The following SLC25A30 variants were observed in gnomAD, a reference collection of about 807,000 sequenced individuals.
The protein encoded by SLC25A30 is kidney mitochondrial carrier protein 1.
Under a neutral mutation model 42.7 loss-of-function variants are expected in SLC25A30, and 29 were observed. The ratio of observed to expected loss-of-function variants is 0.68; its 90% CI spans 0.51 to 0.93. The LOEUF is 0.93. Ranked by LOEUF, SLC25A30 falls within the 40% of genes least tolerant of loss-of-function variation. The probability of loss-of-function intolerance (pLI) is 0.00; values close to 1 mark genes in which losing one functional copy is unlikely to be tolerated. For synonymous variants in SLC25A30, 124 were observed against 131.0 expected (o/e 0.95, Z 0.37); for missense variants, 300 against 359.7 (o/e 0.83, Z 1.34).
chr13:45,423,921 A>C, the SLC25A30 span, among the ~76,000 whole-genome samples: 2 of 82,488 alleles, frequency 2.4e-5, no homozygotes, highest in Non-Finnish European at 4.3e-5. Context: ...ATAAAAATAT[A>C]TATAAACATA....
Position 45,394,091 on chromosome 13 carries a change from T to G in SLC25A30, c.*1883A>C. The G allele has an allele frequency of 1.0e-6, 1 of 985,384 alleles. No individual in the cohort carries two copies. The highest frequency in any genetic ancestry group is 1.2e-6 in the Non-Finnish European group (1 of 829,922). The allele number at this position is 985,384 out of a possible 1,614,324, so 61.0% of individuals were successfully genotyped here. A position where few individuals can be genotyped will look rare whatever the true frequency, so the allele number is the denominator to read the frequency against. On this transcript the variant is annotated 3_prime_UTR_variant, in exon 10 of 10. Coordinates refer to ENST00000519676, the MANE Select transcript of SLC25A30 (RefSeq NM_001010875.4). ...GTCTTTATAAAATCAATGGAATGTT[T>G]TGGAAAGAAGAAAAAATCCTAAGGT...
At position 45,395,975 on chromosome 13, in the gene SLC25A30, C is replaced by T. The variant is rs771232919; in HGVS notation, c.875G>A (p.Ter292=). The change falls in exon 10 of 10, where the codon TGA becomes TAA. Residue 292 remains the stop codon, a stop_retained_variant. Coordinates refer to ENST00000519676, the MANE Select transcript of SLC25A30 (RefSeq NM_001010875.4). ...TYEQLKKLDL[*] ...GATGTCTCATGCAGCCTTGGCTTGT[C>T]ACAAATCCAATTTCTTCAACTGCTC... is the stretch of plus-strand genomic sequence containing the variant. 1.2e-6 allele frequency: 2 copies of T among 1,614,166 alleles called. No individual in the cohort carries two copies. Among genetic ancestry groups the T allele is most frequent in the East Asian group, 4.5e-5 (2 of 44,882 alleles).
At chr13:45,433,315 G>A in the SLC25A30 span, among the ~76,000 whole-genome samples, 1 of 152,248 alleles carries the variant, frequency 6.6e-6, no homozygotes, top group Admixed American at 6.5e-5. Flanking sequence ...AGTATAAAGG[G>A]TACTAAACAG....
At chr13:45,405,514 G>A (rs1370211314) in intron 4 of SLC25A30, among the ~76,000 whole-genome samples, 1 of 152,150 alleles carries the variant, frequency 6.6e-6, no homozygotes, top group African/African-American at 2.4e-5. Flanking sequence ...CAGAGTATTA[G>A]CATTCAGTGT....
At chr13:45,424,195 A>C in the SLC25A30 span, among the ~76,000 whole-genome samples, 5 of 100,496 alleles carry the variant, frequency 5.0e-5, no homozygotes, top group Admixed American at 1.6e-4. Flanking sequence ...TTATGAATAT[A>C]AATATACATA....
At chr13:45,422,041 T>G (rs963623728), upstream of SLC25A30, among the ~76,000 whole-genome samples, 2 of 152,184 alleles carry the variant, frequency 1.3e-5, no homozygotes, top group African/African-American at 4.8e-5. Context: ...CTTAGGTGGA[T>G]GATGCCAATC....
intron 3 of SLC25A30, 61 bp from the exon 4 acceptor site, chr13:45,406,038 C>A: frequency 6.8e-7 from 1 of 1,475,012 alleles, no homozygotes; most frequent in Non-Finnish European, 9.5e-7. Flanking sequence ...ATCGGCTAGG[C>A]AACCCACATG....
At chr13:45,424,171 A>ATATATATAAATATATC in the SLC25A30 span, among the ~76,000 whole-genome samples, 5 of 99,886 alleles carry the variant, frequency 5.0e-5, no homozygotes, top group South Asian at 3.5e-4. Flanking sequence ...AAATATATCA[A>ATATATATAAATATATC]TATATATAAA....
chr13:45,398,779 A>G, intron 8 of SLC25A30, 161 bp downstream of exon 8: 1 of 568,978 alleles, frequency 1.8e-6, no homozygotes, highest in Non-Finnish European at 2.9e-6. Context: ...TTGTATTTAT[A>G]AAAGCTAAGC....
rs1169054852 is a variant in SLC25A30, at chr13:45,399,059, G to C, written c.634C>G (p.Leu212Val). The C allele has an allele frequency of 6.2e-7, 1 of 1,607,766 alleles. No individual in the cohort carries two copies. Among genetic ancestry groups the C allele is most frequent in the Admixed American group, 1.7e-5 (1 of 58,642 alleles). Reference sequence around the variant, plus strand: ...GGGTTTGAGGCCAGGGCCCCTGCCAGACCACAGGTGAAGCTTGAGCTATAA... The same window carrying C: ...GGGTTTGAGGCCAGGGCCCCTGCCACACCACAGGTGAAGCTTGAGCTATAA... ...THFLSSFTCG[L>V]AGALASNPVD... Residue 212 changes from leucine (L) to valine (V), a missense_variant, in exon 8 of 10, where the codon CTG becomes GTG. Transcript: ENST00000519676.
intron 2 of SLC25A30, among the ~76,000 whole-genome samples, chr13:45,410,838 GT>G (rs1882950888): frequency 6.6e-6 from 1 of 152,170 alleles, no homozygotes; most frequent in South Asian, 2.1e-4. Context: ...AAAAACTTGT[GT>G]TTGGTCAATA....
rs1883240468 is a variant in SLC25A30, at chr13:45,413,801, CCTT to C, written c.-55-2324_-55-2322del. Among the ~76,000 whole-genome samples the C allele has an allele frequency of 1.2e-4, 19 of 152,290 alleles. No homozygotes were observed. In the South Asian group the frequency reaches 3.7e-3, roughly 30 times the overall value. On this transcript the variant is annotated intron_variant, in intron 1 of 9. Transcript: ENST00000519676. Reference sequence around the variant, plus strand: ...CTCCTGACCTCAGGTAATCCACCTGCCTTGGCCTCCCAAAGTGCTGGGATTATA... The same window carrying C: ...CTCCTGACCTCAGGTAATCCACCTGCGGCCTCCCAAAGTGCTGGGATTATA...
Position 45,405,964 on chromosome 13 carries a change from T to C in SLC25A30, c.226A>G (p.Met76Val), listed in dbSNP as rs745340336. The stretch of plus-strand genomic sequence containing the variant: ...GTGCCATAGGATGCCTGGCGTAACA[T>C]CGCGGGGGCAATCCTGTTAAACCAA... Reference protein sequence around the residue: ...KALYSGIAPAMLRQASYGTIK... With the variant: ...KALYSGIAPAVLRQASYGTIK... Residue 76 changes from methionine (M) to valine (V), a missense_variant, in exon 4 of 10, where the codon ATG (methionine) becomes GTG (valine). By Grantham distance (21) the Met-to-Val change is conservative (BLOSUM62 1). Transcript: ENST00000519676. The C allele has an allele frequency of 5.6e-6, 9 of 1,614,050 alleles. No individual in the cohort carries two copies. In the Admixed American group the frequency reaches 1.2e-4, roughly 21 times the overall value.
the SLC25A30 span, among the ~76,000 whole-genome samples, chr13:45,424,384 T>A: frequency 1.4e-5 from 1 of 72,196 alleles, no homozygotes; most frequent in Non-Finnish European, 2.3e-5. Flanking sequence ...AATATATAGA[T>A]ATATAAATAT....
intron 5 of SLC25A30, 70 bp from the exon 6 acceptor site, chr13:45,402,440 T>C: frequency 8.2e-7 from 1 of 1,216,156 alleles, no homozygotes. Context: ...AATGTATACC[T>C]CTGACAGTCA....
intron 1 of SLC25A30, among the ~76,000 whole-genome samples, chr13:45,417,984 G>A (rs1222904899): frequency 2.6e-5 from 4 of 152,218 alleles, no homozygotes; most frequent in African/African-American, 9.6e-5. Flanking sequence ...GGAGATGCCA[G>A]GACGGGCTTC....
intron 4 of SLC25A30, among the ~76,000 whole-genome samples, chr13:45,405,005 C>T (rs1882368113): frequency 1.3e-5 from 2 of 152,140 alleles, no homozygotes; most frequent in African/African-American, 4.8e-5. Flanking sequence ...TCACTGCAGC[C>T]TCGACCTCCT....
intron 1 of SLC25A30, among the ~76,000 whole-genome samples, chr13:45,412,657 T>C (rs1883136972): frequency 6.6e-6 from 1 of 152,232 alleles, no homozygotes. Context: ...AATGTCAAGC[T>C]GTAGGCCTAT....
upstream of SLC25A30, among the ~76,000 whole-genome samples, chr13:45,422,376 T>A (rs1189245212): frequency 6.6e-6 from 1 of 152,050 alleles, no homozygotes; most frequent in Non-Finnish European, 1.5e-5. Flanking sequence ...TCTGGTCACC[T>A]CCTCTCCTTG....
Sources: gnomAD v4.1 joint callset for allele counts (sites outside exome capture counted in the v4.1 genomes callset) on GRCh38, gnomAD v4.1.1 for gene constraint, MANE v1.5 for transcripts, NCBI Gene and HGNC (gene_info 2026-07-23, HGNC 2026-07-21) for gene names.